Variants in PAPPA2 observed in about 807,000 individuals in gnomAD.
PAPPA2 encodes the protein pappalysin-2.
In PAPPA2, 86 loss-of-function variants were observed where a neutral mutation model predicts 176.4. That is an observed-to-expected ratio of 0.49 (90% CI 0.41 to 0.58). PAPPA2 has a LOEUF of 0.58. PAPPA2 is among the 20% of genes least tolerant of loss of function. The probability of loss-of-function intolerance (pLI) is 0.00; values close to 1 mark genes in which losing one functional copy is unlikely to be tolerated. For missense variants in PAPPA2, 2,073 were observed against 2,256.9 expected (o/e 0.92, Z 1.65); for synonymous variants, 809 against 852.2 (o/e 0.95, Z 0.88).
intron 1 of PAPPA2, among the ~76,000 whole-genome samples, chr1:176,533,693 A>C (rs752086715): frequency 6.6e-6 from 1 of 152,210 alleles, no homozygotes; most frequent in Non-Finnish European, 1.5e-5. Flanking sequence ...TCAATCTTGA[A>C]TGTACCTATC....
At chr1:176,842,097 C>A (rs1467479385) in intron 22 of PAPPA2, among the ~76,000 whole-genome samples, 1 of 152,126 alleles carries the variant, frequency 6.6e-6, no homozygotes, top group Non-Finnish European at 1.5e-5. Flanking sequence ...TATATAAGAA[C>A]TTTATACTCA....
intron 1 of PAPPA2, among the ~76,000 whole-genome samples, chr1:176,535,508 G>A (rs1650023027): frequency 6.6e-6 from 1 of 152,160 alleles, no homozygotes; most frequent in Non-Finnish European, 1.5e-5. Flanking sequence ...AAAGGAGTGT[G>A]GTATCCTAAA....
At chr1:176,749,778 T>C (rs2102885520) in intron 14 of PAPPA2, among the ~76,000 whole-genome samples, 1 of 152,368 alleles carries the variant, frequency 6.6e-6, no homozygotes, top group Non-Finnish European at 1.5e-5. Flanking sequence ...CATTTAAGTT[T>C]CCTTCATGTC....
intron 12 of PAPPA2, among the ~76,000 whole-genome samples, chr1:176,729,126 T>C (rs535099533): frequency 6.6e-6 from 1 of 152,158 alleles, no homozygotes; most frequent in African/African-American, 2.4e-5. Flanking sequence ...TACTTTTGCC[T>C]GTCAAACTTT....
intron 14 of PAPPA2, among the ~76,000 whole-genome samples, chr1:176,764,886 G>A (rs150742670): frequency 1.2e-3 from 187 of 152,230 alleles, no homozygotes; most frequent in African/African-American, 4.3e-3. Context: ...GTGAGCCACC[G>A]CATCCGGCCT....
Position 176,769,687 on chromosome 1 carries a change from C to T in PAPPA2, c.4404C>T (p.Asp1468=). ...SCLPVDCGVP[D]PSLVNYANFS... is the part of the protein sequence containing the mutation. ...TTCCCGTGGACTGCGGTGTTCCCGA[C>T]CCGTCTTTGGTGAACTATGCAAACT... Residue 1468 remains aspartate (D), a synonymous_variant, in exon 16 of 23, where the codon GAC becomes GAT. Coordinates refer to ENST00000367662, the MANE Select transcript of PAPPA2 (RefSeq NM_020318.3). The T allele has an allele frequency of 6.2e-7, 1 of 1,614,034 alleles. No homozygotes were observed. Among genetic ancestry groups the T allele is most frequent in the Non-Finnish European group, 8.5e-7 (1 of 1,179,972 alleles).
intron 21 of PAPPA2, among the ~76,000 whole-genome samples, chr1:176,816,152 G>GTGTATATA (rs1428455900): frequency 7.1e-5 from 3 of 42,260 alleles, no homozygotes; most frequent in Non-Finnish European, 8.8e-5. Flanking sequence ...CTTTCACAGT[G>GTGTATATA]TATATATATA....
At chr1:176,545,133 C>A (rs922667090) in intron 1 of PAPPA2, among the ~76,000 whole-genome samples, 2 of 152,142 alleles carry the variant, frequency 1.3e-5, no homozygotes, top group African/African-American at 2.4e-5. Flanking sequence ...AGAGGTGAGG[C>A]TGAAAATTCC....
chr1:176,761,624 C>G (rs1663704520), intron 14 of PAPPA2, among the ~76,000 whole-genome samples: 1 of 152,216 alleles, frequency 6.6e-6, no homozygotes, highest in Non-Finnish European at 1.5e-5. Context: ...ACTCTGGCCT[C>G]TGCTGCTAGC....
In PAPPA2 at chr1:176,556,875, C is replaced by G; in HGVS notation, c.553C>G (p.Pro185Ala). 6.2e-7 allele frequency: 1 copy of G among 1,614,134 alleles called. No individual in the cohort carries two copies. Among genetic ancestry groups the G allele is most frequent in the Non-Finnish European group, 8.5e-7 (1 of 1,180,036 alleles). ...AIFTTLNEPK[P>A]ETQRRGWAKS... The stretch of plus-strand genomic sequence containing the variant: ...TTTCACAACCCTGAACGAACCCAAA[C>G]CAGAGACCCAAAGGAGGGGCTGGGC... The change falls in exon 2 of 23, where the codon CCA becomes GCA. Residue 185 changes from proline to alanine, a missense_variant. Physicochemically the swap from Pro to Ala is conservative, Grantham distance 27 (BLOSUM62 -1). Transcript: ENST00000367662.
chr1:176,754,091 G>A (rs1336013455), intron 14 of PAPPA2, among the ~76,000 whole-genome samples: 1 of 151,808 alleles, frequency 6.6e-6, no homozygotes, highest in African/African-American at 2.4e-5. Context: ...TGGTCTTTTG[G>A]GTGGGCTTAA....
At chr1:176,788,563 G>T (rs182654454) in intron 17 of PAPPA2, among the ~76,000 whole-genome samples, 1 of 152,288 alleles carries the variant, frequency 6.6e-6, no homozygotes, top group East Asian at 1.9e-4. Context: ...CATTAGAAGT[G>T]GATATGTTAA....
intron 2 of PAPPA2, among the ~76,000 whole-genome samples, chr1:176,592,449 G>T (rs1653723577): frequency 6.6e-6 from 1 of 151,902 alleles, no homozygotes; most frequent in Non-Finnish European, 1.5e-5. Context: ...TAATCAGAGT[G>T]GTCCATCTTC....
At chr1:176,522,391 T>TC (rs1253993873) in intron 1 of PAPPA2, among the ~76,000 whole-genome samples, 1 of 152,196 alleles carries the variant, frequency 6.6e-6, no homozygotes, top group Non-Finnish European at 1.5e-5. Context: ...TTCCTCTCTC[T>TC]CCCTTCCATC....
chr1:176,541,615 A>G (rs1451770966), intron 1 of PAPPA2, among the ~76,000 whole-genome samples: 1 of 152,230 alleles, frequency 6.6e-6, no homozygotes, highest in Non-Finnish European at 1.5e-5. Flanking sequence ...TGCCATGCCA[A>G]ACATCCACGT....
At chr1:176,544,858 T>C (rs1261178333) in intron 1 of PAPPA2, among the ~76,000 whole-genome samples, 1 of 152,288 alleles carries the variant, frequency 6.6e-6, no homozygotes, top group East Asian at 1.9e-4. Flanking sequence ...AAGCAGATTA[T>C]TACTAGATTC....
intron 20 of PAPPA2, among the ~76,000 whole-genome samples, chr1:176,799,587 A>G (rs1218654169): frequency 2.6e-5 from 4 of 152,172 alleles, no homozygotes; most frequent in Non-Finnish European, 4.4e-5. Flanking sequence ...ATAATCTAGC[A>G]TTTCTGAGGT....
chr1:176,598,828 TC>T (rs1208802457), intron 3 of PAPPA2, among the ~76,000 whole-genome samples: 1 of 152,164 alleles, frequency 6.6e-6, no homozygotes, highest in Non-Finnish European at 1.5e-5. Flanking sequence ...ACAGTTGTCA[TC>T]CTGGGACTTC....
chr1:176,510,253 A>T (rs772415907), intron 1 of PAPPA2, among the ~76,000 whole-genome samples: 1 of 152,196 alleles, frequency 6.6e-6, no homozygotes, highest in Non-Finnish European at 1.5e-5. Context: ...GGGGTGGGGA[A>T]CATGTTATGA....
Sources: gnomAD v4.1 joint callset for allele counts (sites outside exome capture counted in the v4.1 genomes callset) on GRCh38, gnomAD v4.1.1 for gene constraint, MANE v1.5 for transcripts, NCBI Gene and HGNC (gene_info 2026-07-23, HGNC 2026-07-21) for gene names.